The following ADTRP variants were observed in gnomAD, a reference collection of about 807,000 sequenced individuals.
ADTRP encodes androgen-dependent TFPI-regulating protein.
Under a neutral mutation model 27.0 loss-of-function variants are expected in ADTRP, and 20 were observed. The observed-to-expected ratio is 0.74, with a 90% CI of 0.52 to 1.08. ADTRP has a LOEUF of 1.08. ADTRP is among the 50% of genes least tolerant of loss of function. ADTRP has a pLI of 0.00. For synonymous variants in ADTRP, 101 were observed against 105.2 expected (o/e 0.96, Z 0.25); for missense variants, 251 against 275.0 (o/e 0.91, Z 0.62).
At chr6:11,736,723 TCA>T (rs1341936398) in intron 3 of ADTRP, 1 of 152,336 alleles carries the variant, frequency 6.6e-6, no homozygotes, top group Non-Finnish European at 1.5e-5. Flanking sequence ...CTAATTTCTC[TCA>T]GTCAACTCGA....
chr6:11,770,858 C>T (rs1763749273), intron 1 of ADTRP, among the ~76,000 whole-genome samples: 1 of 152,168 alleles, frequency 6.6e-6, no homozygotes, highest in African/African-American at 2.4e-5. Context: ...CAGGCTGCTG[C>T]TGTAGTTAGG....
intron 3 of ADTRP, among the ~76,000 whole-genome samples, chr6:11,748,994 T>C (rs970300234): frequency 6.6e-6 from 1 of 152,194 alleles, no homozygotes; most frequent in African/African-American, 2.4e-5. Context: ...GGAAATAACA[T>C]TTTGCAATCG....
Position 11,727,171 on chromosome 6 carries a change from G to A in ADTRP, c.507-3671C>T, listed in dbSNP as rs188793133. 2.5e-3 allele frequency among the ~76,000 whole-genome samples: 376 copies of A among 152,214 alleles called. 1 individual carries two copies. The highest frequency in any genetic ancestry group is 5.8e-3 in the Admixed American group (88 of 15,278). ...CGAGTAGCTGGGTTTACAGGCGTGC[G>A]CCACCATGCCCAGCTAATTTTTGTA... On this transcript the variant is annotated intron_variant, in intron 4 of 5. Transcript: ENST00000414691.
rs573607059 is a variant in ADTRP, at chr6:11,770,215, G to A, written c.154-1832C>T. On this transcript the variant is annotated intron_variant, in intron 1 of 5. Coordinates refer to ENST00000414691, the MANE Select transcript of ADTRP (RefSeq NM_032744.4). ...AACGACCACTTCACAAACCACCGCT[G>A]CCTGGTTCCCACCCCCAGAGATTCT... 7 of 813,834 alleles carry A rather than the reference G, an allele frequency of 8.6e-6. No homozygotes were observed. The Admixed American group carries it at 8.7e-5, about 10-fold the overall frequency. 50.4% of individuals were successfully genotyped at this position (813,834 alleles called of 1,614,324 possible). A position where few individuals can be genotyped will look rare whatever the true frequency, so the allele number is the denominator to read the frequency against.
At chr6:11,716,719 C>CTTTTTCTT (rs200468981) in intron 5 of ADTRP, among the ~76,000 whole-genome samples, 1,584 of 125,394 alleles carry the variant, frequency 0.013, 60 homozygotes, top group African/African-American at 0.042. Context: ...TTTTCTTTTT[C>CTTTTTCTT]TTTTTTTTTT....
chr6:11,716,741 G>A (rs1346690375), intron 5 of ADTRP, among the ~76,000 whole-genome samples: 2 of 70,354 alleles, frequency 2.8e-5, no homozygotes, highest in Non-Finnish European at 4.2e-5. Context: ...TTGAGACAGG[G>A]TCTTCCTCTG....
At chr6:11,778,179 G>A (rs1411532414) in intron 1 of ADTRP, among the ~76,000 whole-genome samples, 2 of 152,226 alleles carry the variant, frequency 1.3e-5, no homozygotes, top group Non-Finnish European at 1.5e-5. Flanking sequence ...TGTGTGTGCT[G>A]TAAAATGGCA....
In ADTRP at chr6:11,731,759, T is replaced by A. The variant is rs557152407; in HGVS notation, c.506+3809A>T. On this transcript the variant is annotated intron_variant, in intron 4 of 5. Transcript: ENST00000414691. ...TCTTCCTTTTCTGTGGCTCCTTGTG[T>A]TTTTTTTATGAGGTTTTACCACTTT... is the stretch of plus-strand genomic sequence containing the variant. Among the ~76,000 whole-genome samples, 6 of 131,970 alleles carry A rather than the reference T, an allele frequency of 4.5e-5. No homozygotes were observed. In the East Asian group the frequency reaches 1.3e-3, roughly 28 times the overall value. The allele number at this position is 131,970 out of a possible 152,430, so 86.6% of individuals were successfully genotyped here. A position where few individuals can be genotyped will look rare whatever the true frequency, so the allele number is the denominator to read the frequency against.
intron 1 of ADTRP, among the ~76,000 whole-genome samples, chr6:11,777,881 C>T (rs898951260): frequency 4.6e-5 from 7 of 152,074 alleles, no homozygotes; most frequent in Admixed American, 4.6e-4. Context: ...AATGATTCCC[C>T]ATTATTAGCT....
chr6:11,724,421 G>T (rs1762123377), intron 4 of ADTRP, among the ~76,000 whole-genome samples: 1 of 152,170 alleles, frequency 6.6e-6, no homozygotes, highest in South Asian at 2.1e-4. Context: ...GATTTGCAGG[G>T]AGGCTCAGAT....
intron 3 of ADTRP, among the ~76,000 whole-genome samples, 193 bp downstream of exon 3, chr6:11,766,081 T>C (rs191070213): frequency 7.9e-4 from 120 of 152,360 alleles, no homozygotes; most frequent in African/African-American, 2.5e-3. Flanking sequence ...TCCTGTGTTC[T>C]CAGTAGACTC....
intron 3 of ADTRP, among the ~76,000 whole-genome samples, chr6:11,761,712 C>A (rs1475997377): frequency 6.6e-6 from 1 of 152,112 alleles, no homozygotes; most frequent in East Asian, 1.9e-4. Flanking sequence ...TCAGTTATGT[C>A]AGGTGTTCTA....
intron 1 of ADTRP, among the ~76,000 whole-genome samples, chr6:11,771,283 C>T (rs1763770475): frequency 6.6e-6 from 1 of 152,234 alleles, no homozygotes; most frequent in Non-Finnish European, 1.5e-5. Context: ...GCAGCCCTGT[C>T]GCCATCGAGC....
intron 5 of ADTRP, among the ~76,000 whole-genome samples, chr6:11,722,795 ACT>A (rs1179718488): frequency 2.0e-5 from 3 of 152,204 alleles, no homozygotes; most frequent in South Asian, 4.2e-4. Flanking sequence ...ATTGCTGAAG[ACT>A]CTGTCTGAAT....
In ADTRP at chr6:11,714,490, C is replaced by G; in HGVS notation, c.681G>C (p.Lys227Asn). The G allele has an allele frequency of 6.2e-7, 1 of 1,613,536 alleles. No homozygotes were observed. Among genetic ancestry groups the G allele is most frequent in the Non-Finnish European group, 8.5e-7 (1 of 1,179,850 alleles). ...WKWGDMRQPR[K>N]KRK ...AAATGGTGTGCAATTACTTCCTCTT[C>G]TTCCGTGGCTGCCTCATGTCACCTG... Residue 227 changes from lysine (K) to asparagine (N), a missense_variant, in exon 6 of 6, where the codon AAG becomes AAC. Lys to Asn is a moderately conservative substitution (Grantham distance 94). Coordinates refer to ENST00000414691, the MANE Select transcript of ADTRP (RefSeq NM_032744.4).
intron 5 of ADTRP, among the ~76,000 whole-genome samples, chr6:11,720,232 C>A (rs1486905833): frequency 1.3e-5 from 2 of 152,200 alleles, no homozygotes; most frequent in African/African-American, 2.4e-5. Flanking sequence ...ACGTGGCTAT[C>A]TATAAGTTTC....
chr6:11,731,400 G>C lies in ADTRP; in HGVS notation c.506+4168C>G, dbSNP rs139611672. Among the ~76,000 whole-genome samples, 769 of 152,180 alleles carry C rather than the reference G, an allele frequency of 5.1e-3. 7 individuals carry two copies. The highest frequency in any genetic ancestry group is 0.026 in the South Asian group (127 of 4,824). On this transcript the variant is annotated intron_variant, in intron 4 of 5. Coordinates refer to ENST00000414691, the MANE Select transcript of ADTRP (RefSeq NM_032744.4). ...CAAGTTACAAATACTGCTCACCCTT[G>C]CTTCCACTCCAAACAAACAAACAAA...
At chr6:11,721,478 A>G (rs1762022923) in intron 5 of ADTRP, among the ~76,000 whole-genome samples, 3 of 152,236 alleles carry the variant, frequency 2.0e-5, no homozygotes, top group Non-Finnish European at 4.4e-5. Flanking sequence ...AAAAGTGTTC[A>G]CTGCATTGCA....
intron 3 of ADTRP, among the ~76,000 whole-genome samples, chr6:11,754,695 G>A (rs141572315): frequency 1.8e-3 from 275 of 152,292 alleles, no homozygotes; most frequent in African/African-American, 6.4e-3. Flanking sequence ...AAGATGATGA[G>A]ACCAGGAACA....
Sources: gnomAD v4.1 joint callset for allele counts (sites outside exome capture counted in the v4.1 genomes callset) on GRCh38, gnomAD v4.1.1 for gene constraint, MANE v1.5 for transcripts, NCBI Gene and HGNC (gene_info 2026-07-23, HGNC 2026-07-21) for gene names.